LIAS: variants seen among roughly 807,000 people sequenced by gnomAD.
LIAS encodes lipoic acid synthetase, also known as lipoyl synthase, mitochondrial.
A neutral mutation model predicts 49.4 loss-of-function variants in LIAS; 36 were observed. That is an observed-to-expected ratio of 0.73 (90% CI 0.56 to 0.96). The LOEUF is 0.96. Among genes scored for constraint, LIAS ranks in the 40% least tolerant of loss-of-function variants. The pLI is 0.00. For synonymous variants in LIAS, 145 were observed against 155.8 expected (o/e 0.93, Z 0.52); for missense variants, 399 against 456.3 (o/e 0.87, Z 1.14).
At chr4:39,469,970 C>T (rs750424873) in intron 7 of LIAS, 49 bp from the exon 8 acceptor site, 2 of 1,568,844 alleles carry the variant, frequency 1.3e-6, no homozygotes, top group Admixed American at 1.8e-5. Flanking sequence ...TAACTATGTA[C>T]TTGGTTGAAC....
At position 39,460,905 on chromosome 4, in the gene LIAS, C is replaced by T. The variant is rs1249528670; in HGVS notation, c.161C>T (p.Ala54Val). 6.2e-7 allele frequency: 1 copy of T among 1,612,652 alleles called. No individual in the cohort carries two copies. The highest frequency in any genetic ancestry group is 1.3e-5 in the African/African-American group (1 of 74,966). ...CAAGATTTTGTATCTGGTGATCTTG[C>T]AGACAGGAGCACCTGGGATGAATAT... ...DLQDFVSGDLADRSTWDEYKG... is the reference protein window; with the variant it reads ...DLQDFVSGDLVDRSTWDEYKG... The change falls in exon 2 of 11, where the codon GCA becomes GTA. Residue 54 changes from alanine (A) to valine (V), a missense_variant. Physicochemically the swap from Ala to Val is moderately conservative, Grantham distance 64 (BLOSUM62 0). This residue lies in a region of LIAS where 159 missense variants were observed against 147.6 expected (regional missense o/e 1.08). Transcript: ENST00000640888.
At chr4:39,459,323 C>G in intron 1 of LIAS, 161 bp downstream of exon 1, 1 of 645,634 alleles carries the variant, frequency 1.5e-6, no homozygotes, top group Non-Finnish European at 2.6e-6. Flanking sequence ...ATTATCCCGC[C>G]AGCCCCATGA....
Position 39,477,048 on chromosome 4 carries a change from C to G in LIAS, c.1067-15C>G, listed in dbSNP as rs763135220. On this transcript the variant is annotated splice_polypyrimidine_tract_variant and intron_variant, in intron 10 of 10. Coordinates refer to ENST00000640888, the MANE Select transcript of LIAS (RefSeq NM_006859.4). ...TTTAAATTGATATTAATGTGTTTTC[C>G]TTTTTCCTAAATAGGTGAATTTTTC... is the stretch of plus-strand genomic sequence containing the variant. 3 of 1,527,140 alleles carry G rather than the reference C, an allele frequency of 2.0e-6. No individual in the cohort carries two copies. The Admixed American group carries it at 5.7e-5, about 29-fold the overall frequency. 94.6% of individuals were successfully genotyped at this position (1,527,140 alleles called of 1,614,324 possible).
rs141723499 is a variant in LIAS at position 39,460,917 on chromosome 4, C to T, written c.173C>T (p.Thr58Ile). The change falls in exon 2 of 11, where the codon ACC (threonine) becomes ATC (isoleucine). Residue 58 changes from threonine (T) to isoleucine (I), a missense_variant. By Grantham distance (89) the Thr-to-Ile change is moderately conservative. Around this residue, in one of 3 missense-constraint regions of LIAS, gnomAD observed 159 missense variants for 147.6 expected, o/e 1.08. Transcript: ENST00000640888. ...FVSGDLADRSTWDEYKGNLKR... is the reference protein window; with the variant it reads ...FVSGDLADRSIWDEYKGNLKR... ...TCTGGTGATCTTGCAGACAGGAGCA[C>T]CTGGGATGAATATAAAGGAAACCTA... is the stretch of plus-strand genomic sequence containing the variant. The T allele has an allele frequency of 1.7e-4, 272 of 1,611,742 alleles. No individual in the cohort carries two copies. Among genetic ancestry groups the T allele is most frequent in the Middle Eastern group, 8.2e-4 (5 of 6,078 alleles).
chr4:39,466,158 T>A (rs1207058584), intron 6 of LIAS: 1 of 152,048 alleles, frequency 6.6e-6, no homozygotes, highest in African/African-American at 2.4e-5. Flanking sequence ...CATTTTTTTT[T>A]AGAGACGGAA....
chr4:39,461,831 A>G (rs1467493963), intron 2 of LIAS, among the ~76,000 whole-genome samples: 3 of 152,182 alleles, frequency 2.0e-5, no homozygotes, highest in Admixed American at 2.0e-4. Context: ...AGTAGCTGGG[A>G]CTACAGGCGC....
intron 1 of LIAS, among the ~76,000 whole-genome samples, chr4:39,460,243 A>AT (rs1370539526): frequency 2.6e-5 from 4 of 151,874 alleles, no homozygotes; most frequent in Non-Finnish European, 5.9e-5. Flanking sequence ...AGTTCCAGAG[A>AT]TTTTCGGGCC....
intron 4 of LIAS, chr4:39,464,354 T>C (rs894117215): frequency 6.8e-6 from 1 of 148,120 alleles, no homozygotes; most frequent in Non-Finnish European, 1.5e-5. Flanking sequence ...AAAAAAAAAG[T>C]ATCTTATAAA....
intron 2 of LIAS, 41 bp downstream of exon 2, chr4:39,461,003 T>C (rs962421579): frequency 2.7e-6 from 4 of 1,494,802 alleles, no homozygotes; most frequent in Non-Finnish European, 3.6e-6. Context: ...CCCGTTCCTT[T>C]ATTGTGCATT....
intron 9 of LIAS, among the ~76,000 whole-genome samples, 180 bp from the exon 10 acceptor site, chr4:39,472,920 T>C (rs555095379): frequency 7.2e-5 from 11 of 152,008 alleles, no homozygotes; most frequent in African/African-American, 2.2e-4. Context: ...TACATCCCAA[T>C]AGAGTGGCCA....
intron 9 of LIAS, among the ~76,000 whole-genome samples, chr4:39,472,727 T>C (rs1329825513): frequency 1.3e-5 from 2 of 152,186 alleles, no homozygotes; most frequent in African/African-American, 4.8e-5. Flanking sequence ...AAGATACAAG[T>C]TGAGTAAGAC....
Position 39,459,494 on chromosome 4 carries a change from C to T in LIAS, c.45+332C>T, listed in dbSNP as rs113350257. Among the ~76,000 whole-genome samples the T allele has an allele frequency of 6.6e-5, 10 of 152,308 alleles. No individual in the cohort carries two copies. In the East Asian group the frequency reaches 9.6e-4, roughly 15 times the overall value. ...GACTCTTACTGTGTGTGAGACACCA[C>T]TCTAGCCGCAGAGAACACAAACCTG... On this transcript the variant is annotated intron_variant, in intron 1 of 10. Coordinates refer to ENST00000640888, the MANE Select transcript of LIAS (RefSeq NM_006859.4).
chr4:39,477,092 A>C lies in LIAS; in HGVS notation c.1096A>C (p.Lys366Gln), dbSNP rs1745219004. Residue 366 changes from lysine (K) to glutamine (Q), a missense_variant, in exon 11 of 11, where the codon AAA (lysine) becomes CAA (glutamine). Lys to Gln is a moderately conservative substitution (Grantham distance 53). This residue lies in a region of LIAS where 234 missense variants were observed against 292.2 expected (regional missense o/e 0.80). Coordinates refer to ENST00000640888, the MANE Select transcript of LIAS (RefSeq NM_006859.4). ...ATTTTTCCTGAAAAATCTAGTGGCT[A>C]AAAGAAAAACAAAAGACCTCTAAAA... ...GEFFLKNLVAKRKTKDL is the reference protein window; with the variant it reads ...GEFFLKNLVAQRKTKDL 2.5e-6 allele frequency: 4 copies of C among 1,598,470 alleles called. No individual in the cohort carries two copies. Among genetic ancestry groups the C allele is most frequent in the Non-Finnish European group, 3.4e-6 (4 of 1,174,114 alleles).
Position 39,460,533 on chromosome 4 carries a change from CAA to C in LIAS, c.46-239_46-238del, listed in dbSNP as rs3836577. ...TGGGCAACAGAGCAAGACTCCGTCT[CAA>C]AAAAAAAAAAAAAAAAACAGATTTC... is the stretch of plus-strand genomic sequence containing the variant. On this transcript the variant is annotated intron_variant, in intron 1 of 10. Coordinates refer to ENST00000640888, the MANE Select transcript of LIAS (RefSeq NM_006859.4). Among the ~76,000 whole-genome samples, 117 of 98,212 alleles carry C rather than the reference CAA, an allele frequency of 1.2e-3. 1 individual carries two copies. The highest frequency in any genetic ancestry group is 4.4e-3 in the African/African-American group (109 of 24,998). The allele number at this position is 98,212 out of a possible 152,430, so 64.4% of individuals were successfully genotyped here.
intron 3 of LIAS, 78 bp from the exon 4 acceptor site, chr4:39,463,447 A>C (rs1421518762): frequency 7.1e-7 from 1 of 1,413,104 alleles, no homozygotes; most frequent in Non-Finnish European, 9.3e-7. Flanking sequence ...GAAGTTTAAA[A>C]TGTCTAATCA....
chr4:39,472,110 TACACACACACATATACAC>T, intron 9 of LIAS, among the ~76,000 whole-genome samples: 1 of 143,560 alleles, frequency 7.0e-6, no homozygotes, highest in Non-Finnish European at 1.5e-5. Flanking sequence ...TATCTGTATA[TACACACACACATATACAC>T]ACACACACAC....
At chr4:39,471,809 T>C (rs1745000284) in intron 9 of LIAS, among the ~76,000 whole-genome samples, 1 of 151,980 alleles carries the variant, frequency 6.6e-6, no homozygotes, top group Non-Finnish European at 1.5e-5. Context: ...ATTACAGGCG[T>C]GAGCCACCGC....
At chr4:39,476,035 TG>T (rs1172846488) in intron 10 of LIAS, 4 of 152,258 alleles carry the variant, frequency 2.6e-5, no homozygotes, top group African/African-American at 9.6e-5. Context: ...GCAGCACTGC[TG>T]GCAAGCTAAA....
In LIAS at chr4:39,473,076, T is replaced by C. The variant is rs780010199; in HGVS notation, c.955-24T>C. On this transcript the variant is annotated intron_variant, in intron 9 of 10. Coordinates refer to ENST00000640888, the MANE Select transcript of LIAS (RefSeq NM_006859.4). ...ATCAAAGTGGAATTCTAAAATCTGA[T>C]CAGAAGTAATTATTTAAATCTAGGT... The C allele has an allele frequency of 7.5e-6, 10 of 1,333,054 alleles. No homozygotes were observed. The African/African-American group carries it at 1.4e-4, about 19-fold the overall frequency. The allele number at this position is 1,333,054 out of a possible 1,614,324, so 82.6% of individuals were successfully genotyped here.
Sources: gnomAD v4.1 joint callset for allele counts (sites outside exome capture counted in the v4.1 genomes callset) on GRCh38, gnomAD v4.1.1 for gene constraint, gnomAD v4.1.1 regional missense constraint, MANE v1.5 for transcripts, NCBI Gene and HGNC (gene_info 2026-07-23, HGNC 2026-07-21) for gene names.